The following SINHCAF variants were observed in gnomAD, a reference collection of about 807,000 sequenced individuals.
The protein encoded by SINHCAF is SIN3-HDAC complex-associated factor.
SINHCAF carries 3 observed loss-of-function variants against 25.8 expected under a neutral mutation model. That is an observed-to-expected ratio of 0.12 (90% CI 0.05 to 0.30). The LOEUF (loss-of-function observed/expected upper bound fraction) is 0.30, where lower values mean the gene tolerates loss of function less well. SINHCAF is among the 10% of genes least tolerant of loss of function. The probability of loss-of-function intolerance (pLI) is 1.00; values close to 1 mark genes in which losing one functional copy is unlikely to be tolerated. For synonymous variants in SINHCAF, 70 were observed against 85.5 expected, an observed-to-expected ratio of 0.82 and a Z score of 1.00; for missense variants, 121 against 262.3, an observed-to-expected ratio of 0.46 and a Z score of 3.72.
At chr12:31,304,524 T>TA (rs1437233551) in intron 1 of SINHCAF, 1 of 152,182 alleles carries the variant, frequency 6.6e-6, no homozygotes, top group Non-Finnish European at 1.5e-5. Flanking sequence ...TACTGATAGA[T>TA]AGACCTGGGG....
Position 31,293,914 on chromosome 12 carries a change from A to G in SINHCAF, c.246T>C (p.Ala82=), listed in dbSNP as rs1367964422. The G allele has an allele frequency of 6.2e-7, 1 of 1,604,710 alleles. No individual in the cohort carries two copies. The highest frequency in any genetic ancestry group is 8.5e-7 in the Non-Finnish European group (1 of 1,177,324). ...TCAATGTAGTCTTTAGACTGGGTCC[A>G]GCCCTTGCATCTACCACCTGGAAGA... is the stretch of plus-strand genomic sequence containing the variant. ...KNWNHVVDAR[A]GPSLKTTLKP... is the part of the protein sequence containing the mutation. Residue 82 remains alanine, a synonymous_variant, in exon 4 of 6, where the codon GCT becomes GCC. Coordinates refer to ENST00000337682, the MANE Select transcript of SINHCAF (RefSeq NM_001135812.2).
chr12:31,297,060 G>GA (rs1451124951), intron 2 of SINHCAF: 1 of 407,014 alleles, frequency 2.5e-6, no homozygotes, highest in South Asian at 1.8e-5. Context: ...AAAAAGAAAA[G>GA]AAAAAAAGAA....
At chr12:31,317,625 T>C (rs1939543465) in intron 1 of SINHCAF, among the ~76,000 whole-genome samples, 1 of 151,956 alleles carries the variant, frequency 6.6e-6, no homozygotes. Flanking sequence ...TTTTTTTTTT[T>C]AACCAAGAGC....
At chr12:31,323,797 C>A (rs1289174870) in intron 1 of SINHCAF, 4 of 384,188 alleles carry the variant, frequency 1.0e-5, no homozygotes, top group Non-Finnish European at 1.6e-5. Context: ...AACTTCCCCA[C>A]GGTGGTTTAT....
In SINHCAF at chr12:31,295,224, A is replaced by T; in HGVS notation, c.228+10T>A. 6.4e-7 allele frequency: 1 copy of T among 1,556,466 alleles called. No individual in the cohort carries two copies. The highest frequency in any genetic ancestry group is 8.8e-7 in the Non-Finnish European group (1 of 1,136,832). On this transcript the variant is annotated intron_variant, in intron 3 of 5. Transcript: ENST00000337682. ...GAGGTATAATTGAGAAAAAAGAAAG[A>T]TGGACTAACATGATTCCAGTTTTTT... is the stretch of plus-strand genomic sequence containing the variant.
rs933626775 is a variant in SINHCAF at position 31,325,323 on chromosome 12, A to G, written c.-21+701T>C. On this transcript the variant is annotated intron_variant, in intron 1 of 5. Transcript: ENST00000337682. The surrounding 1 kb of genome is among the most constrained non-coding windows in gnomAD (Gnocchi z 5.9). ...GCGAGTGGAAGACGGGCTGTTTTTA[A>G]GCGACCGCGTGTTGCTCTCATTGTC... is the stretch of plus-strand genomic sequence containing the variant. The G allele has an allele frequency of 4.6e-6, 2 of 438,194 alleles. No individual in the cohort carries two copies. Among genetic ancestry groups the G allele is most frequent in the East Asian group, 1.4e-4 (2 of 14,242 alleles). The allele number at this position is 438,194 out of a possible 1,614,324, so 27.1% of individuals were successfully genotyped here. A position where few individuals can be genotyped will look rare whatever the true frequency, so the allele number is the denominator to read the frequency against.
At chr12:31,317,362 T>C (rs900876116) in intron 1 of SINHCAF, among the ~76,000 whole-genome samples, 6 of 151,530 alleles carry the variant, frequency 4.0e-5, no homozygotes, top group Non-Finnish European at 4.4e-5. Context: ...AAACACAAGA[T>C]AGTTGAAGTG....
At chr12:31,284,672 G>T (rs1256012016) in intron 5 of SINHCAF, among the ~76,000 whole-genome samples, 1 of 152,136 alleles carries the variant, frequency 6.6e-6, no homozygotes, top group Non-Finnish European at 1.5e-5. Flanking sequence ...TAACCATGTT[G>T]TTCTTAATAT....
intron 1 of SINHCAF, chr12:31,303,010 A>G (rs1938870215): frequency 4.1e-6 from 4 of 985,260 alleles, no homozygotes; most frequent in Non-Finnish European, 3.6e-6. Flanking sequence ...TCAATCATCT[A>G]TCTGTCTATC....
At chr12:31,299,305 C>CAA (rs1938680618) in intron 1 of SINHCAF, among the ~76,000 whole-genome samples, 1 of 150,892 alleles carries the variant, frequency 6.6e-6, no homozygotes, top group Non-Finnish European at 1.5e-5. Flanking sequence ...CATAAAGCAA[C>CAA]AATAAAAGAA....
chr12:31,303,409 G>C (rs569096127), intron 1 of SINHCAF: 1 of 157,844 alleles, frequency 6.3e-6, no homozygotes, highest in South Asian at 2.0e-4. Flanking sequence ...GGGGTATGTA[G>C]TAGAATCTGC....
rs1937821215 is a variant in SINHCAF, at chr12:31,281,991, T to C, written c.*721A>G. The stretch of plus-strand genomic sequence containing the variant: ...TTGGCAAGACCTTAATATTTCAAAA[T>C]TATTAACAACTACCTCTAGGGGCAA... On this transcript the variant is annotated 3_prime_UTR_variant, in exon 6 of 6. Transcript: ENST00000337682. 1 of 152,546 alleles carries C rather than the reference T, an allele frequency of 6.6e-6. No individual in the cohort carries two copies. Among genetic ancestry groups the C allele is most frequent in the Non-Finnish European group, 1.5e-5 (1 of 68,042 alleles). 9.4% of individuals were successfully genotyped at this position (152,546 alleles called of 1,614,324 possible). A position where few individuals can be genotyped will look rare whatever the true frequency, so the allele number is the denominator to read the frequency against.
chr12:31,296,905 C>T (rs1418028294), intron 2 of SINHCAF: 3 of 365,702 alleles, frequency 8.2e-6, no homozygotes, highest in Non-Finnish European at 1.6e-5. Context: ...TAAGGTGGTG[C>T]ACACCTGTAG....
At chr12:31,297,556 T>C (rs536967116) in intron 2 of SINHCAF, among the ~76,000 whole-genome samples, 2 of 138,126 alleles carry the variant, frequency 1.4e-5, no homozygotes, top group Non-Finnish European at 3.1e-5. Context: ...CACTACAACC[T>C]CCGCCTCCTG....
chr12:31,303,174 T>C, intron 1 of SINHCAF: 1 of 985,464 alleles, frequency 1.0e-6, no homozygotes, highest in Non-Finnish European at 1.2e-6. Flanking sequence ...GTACACATTC[T>C]TCAGCCAGAA....
intron 2 of SINHCAF, among the ~76,000 whole-genome samples, chr12:31,295,796 C>G (rs1440335450): frequency 6.6e-6 from 1 of 151,790 alleles, no homozygotes; most frequent in African/African-American, 2.4e-5. Flanking sequence ...CGCTTGAGCC[C>G]AGGAAGCAGA....
At chr12:31,311,748 C>T (rs992750311) in intron 1 of SINHCAF, 2 of 513,178 alleles carry the variant, frequency 3.9e-6, no homozygotes, top group Non-Finnish European at 7.6e-6. Flanking sequence ...TCACTCCATA[C>T]TTGAACATTT....
chr12:31,304,370 A>G (rs947073991), intron 1 of SINHCAF: 3 of 152,198 alleles, frequency 2.0e-5, no homozygotes, highest in Admixed American at 6.5e-5. Context: ...TGCTGGCACA[A>G]TCTGCTTTGC....
At chr12:31,310,981 T>C (rs1259029239) in intron 1 of SINHCAF, among the ~76,000 whole-genome samples, 1 of 151,820 alleles carries the variant, frequency 6.6e-6, no homozygotes, top group Non-Finnish European at 1.5e-5. Flanking sequence ...GCAATTCTCC[T>C]GCCTCAGCCT....
Sources: gnomAD v4.1 joint callset for allele counts (sites outside exome capture counted in the v4.1 genomes callset) on GRCh38, gnomAD v4.1.1 for gene constraint, Gnocchi (gnomAD v3.1) non-coding constraint, MANE v1.5 for transcripts, NCBI Gene and HGNC (gene_info 2026-07-23, HGNC 2026-07-21) for gene names.